SAXO3: variants seen among roughly 807,000 people sequenced by gnomAD.
SAXO3 encodes the protein CTB-60B18.10.
the SAXO3 span, chr19:49,020,246 C>A: frequency 4.3e-6 from 2 of 466,762 alleles, no homozygotes; most frequent in Non-Finnish European, 7.5e-6. Context: ...CTGGTGCCTC[C>A]TCTCTCAGAC....
the SAXO3 span, chr19:49,019,359 A>C: frequency 0.61 from 738,181 of 1,214,810 alleles, 226,851 homozygotes; most frequent in African/African-American, 0.73. Flanking sequence ...AGCAACTCCA[A>C]GTTACCTCTC....
chr19:49,020,527 C>A, the SAXO3 span: 1 of 398,642 alleles, frequency 2.5e-6, no homozygotes, highest in Admixed American at 4.4e-5. Flanking sequence ...GTTCCACCCC[C>A]ACTCCGTAGC....
chr19:49,018,498 G>A, the SAXO3 span, among the ~76,000 whole-genome samples: 3 of 152,098 alleles, frequency 2.0e-5, no homozygotes, highest in Non-Finnish European at 1.5e-5. Context: ...TGCGTTCCTG[G>A]GTCCTCGAGG....
the SAXO3 span, chr19:49,018,939 C>G: frequency 6.5e-6 from 10 of 1,534,372 alleles, 1 homozygote; most frequent in East Asian, 2.2e-4. Flanking sequence ...CAGGACGCCC[C>G]GGTCGGATAC....
At chr19:49,019,980 A>G in the SAXO3 span, 317 of 1,512,030 alleles carry the variant, frequency 2.1e-4, no homozygotes, top group African/African-American at 2.3e-3. Flanking sequence ...GGCTGGGCGC[A>G]GGGCCCGCCA....
At chr19:49,018,282 T>C in the SAXO3 span, 7 of 1,124,176 alleles carry the variant, frequency 6.2e-6, no homozygotes, top group Non-Finnish European at 7.9e-6. Flanking sequence ...ACCTGGGGCG[T>C]CTCTTCGAAG....
At chr19:49,018,041 C>G in the SAXO3 span, 1 of 398,682 alleles carries the variant, frequency 2.5e-6, no homozygotes, top group African/African-American at 2.1e-5. Flanking sequence ...GCTGTAGATG[C>G]CCCGCAGGGG....
At chr19:49,020,000 G>A in the SAXO3 span, 2 of 1,496,564 alleles carry the variant, frequency 1.3e-6, no homozygotes, top group Middle Eastern at 2.3e-4. Flanking sequence ...ATGGGTCTTG[G>A]GCACGTAGGC....
chr19:49,018,728 G>C, the SAXO3 span: 1 of 698,908 alleles, frequency 1.4e-6, no homozygotes, highest in Non-Finnish European at 2.4e-6. Context: ...GGGAGGGGCT[G>C]AGGCCTGAAC....
the SAXO3 span, chr19:49,020,527 C>T: frequency 7.5e-6 from 3 of 398,524 alleles, no homozygotes; most frequent in Admixed American, 4.4e-5. Context: ...GTTCCACCCC[C>T]ACTCCGTAGC....
the SAXO3 span, chr19:49,019,655 G>T: frequency 4.8e-6 from 6 of 1,257,810 alleles, no homozygotes; most frequent in South Asian, 9.7e-5. Context: ...ACCTGGGAAG[G>T]ACCCCCGCGG....
chr19:49,020,470 C>T, the SAXO3 span: 4 of 399,066 alleles, frequency 1.0e-5, no homozygotes, highest in East Asian at 1.1e-4. Context: ...CCAGGTACCT[C>T]GGTTGCAGAG....
chr19:49,019,737 A>G, the SAXO3 span: 13 of 1,177,028 alleles, frequency 1.1e-5, no homozygotes, highest in East Asian at 1.6e-4. Flanking sequence ...TGGGAGAGCC[A>G]GTGTACTGCG....
the SAXO3 span, chr19:49,019,088 C>T: frequency 6.9e-7 from 1 of 1,447,044 alleles, no homozygotes; most frequent in African/African-American, 1.4e-5. Flanking sequence ...GAATCCCTCT[C>T]CTTCGGCCTC....
At chr19:49,020,227 T>C in the SAXO3 span, 39 of 470,616 alleles carry the variant, frequency 8.3e-5, no homozygotes, top group Admixed American at 1.6e-4. Flanking sequence ...TCCCTGGCAT[T>C]CAGCTTCCCT....
chr19:49,018,303 T>A, the SAXO3 span: 1 of 1,202,196 alleles, frequency 8.3e-7, no homozygotes, highest in African/African-American at 1.6e-5. Flanking sequence ...CTCCAGTAGG[T>A]CAGGGAGTCC....
At chr19:49,018,504 C>T in the SAXO3 span, among the ~76,000 whole-genome samples, 2 of 152,038 alleles carry the variant, frequency 1.3e-5, no homozygotes, top group East Asian at 1.9e-4. Flanking sequence ...CCTGGGTCCT[C>T]GAGGTACTTA....
chr19:49,020,088 G>C, the SAXO3 span: 1 of 1,374,884 alleles, frequency 7.3e-7, no homozygotes, highest in Non-Finnish European at 9.5e-7. Flanking sequence ...GCAACTTGGG[G>C]TAGAGGGTCC....
chr19:49,018,427 C>A, the SAXO3 span: 9 of 790,182 alleles, frequency 1.1e-5, no homozygotes, highest in Non-Finnish European at 1.4e-5. Context: ...TCTGCACATT[C>A]AAACTCCTGC....
Sources: gnomAD v4.1 joint callset for allele counts (sites outside exome capture counted in the v4.1 genomes callset) on GRCh38, gnomAD v4.1.1 for gene constraint, MANE v1.5 for transcripts, NCBI Gene and HGNC (gene_info 2026-07-23, HGNC 2026-07-21) for gene names.